NHSL1: variants seen among roughly 807,000 people sequenced by gnomAD.
The protein encoded by NHSL1 is NHS-like protein 1.
Under a neutral mutation model 95.0 loss-of-function variants are expected in NHSL1, and 48 were observed. That is an observed-to-expected ratio of 0.51 (90% CI 0.40 to 0.64). The LOEUF (loss-of-function observed/expected upper bound fraction) is 0.64. Ranked by LOEUF, NHSL1 falls within the 30% of genes least tolerant of loss-of-function variation. The pLI, the probability that NHSL1 is intolerant of heterozygous loss-of-function variation, is 0.00. For synonymous variants in NHSL1, 783 were observed against 833.9 expected, an observed-to-expected ratio of 0.94 and a Z score of 1.05; for missense variants, 1,971 against 2,077.7, an observed-to-expected ratio of 0.95 and a Z score of 1.00.
chr6:138,434,717 T>C lies in NHSL1; in HGVS notation c.665-1037A>G, dbSNP rs1342378962. ...TCTCAACACGGGCTTTGCTGAGCAA[T>C]GCGAGTCAAGCACACCCCTCTGTGT... On this transcript the variant is annotated intron_variant, in intron 5 of 7. Coordinates refer to ENST00000343505, the MANE Select transcript of NHSL1 (RefSeq NM_001144060.2). 2.0e-5 allele frequency among the ~76,000 whole-genome samples: 3 copies of C among 152,162 alleles called. No homozygotes were observed. In the South Asian group the frequency reaches 6.2e-4, roughly 32 times the overall value.
At chr6:138,676,260 A>G (rs1039231341) in intron 1 of NHSL1, among the ~76,000 whole-genome samples, 1 of 152,176 alleles carries the variant, frequency 6.6e-6, no homozygotes, top group African/African-American at 2.4e-5. Context: ...AAAATAACCC[A>G]ATTAACAAAT....
chr6:138,605,817 G>A (rs1327565266), intron 1 of NHSL1, among the ~76,000 whole-genome samples: 1 of 152,220 alleles, frequency 6.6e-6, no homozygotes, highest in African/African-American at 2.4e-5. Context: ...GTAGTTTTGA[G>A]AGGAAAATGG....
At position 138,524,813 on chromosome 6, in the gene NHSL1, T is replaced by C. The variant is rs138126273; in HGVS notation, c.16+20810A>G. 6.1e-3 allele frequency among the ~76,000 whole-genome samples: 935 copies of C among 152,306 alleles called. 23 individuals carry two copies. Among genetic ancestry groups the C allele is most frequent in the Admixed American group, 0.048 (735 of 15,294 alleles). ...AGAGTGATTTAAAGGTTTTCTTCCC[T>C]AGCAAATGGGCACACAAAAAAATAT... On this transcript the variant is annotated intron_variant, in intron 1 of 4. Transcript: ENST00000342260.
chr6:138,424,729 G>A lies in NHSL1; in HGVS notation c.4173C>T (p.Gly1391=), dbSNP rs1367989647. 1.9e-6 allele frequency: 3 copies of A among 1,551,482 alleles called. No homozygotes were observed. The highest frequency in any genetic ancestry group is 2.7e-5 in the African/African-American group (2 of 73,018). The change falls in exon 8 of 8, where the codon GGC becomes GGT. Residue 1391 remains glycine (G), a synonymous_variant. Coordinates refer to ENST00000343505, the MANE Select transcript of NHSL1 (RefSeq NM_001144060.2). This position sits in a 1 kb window ranked among gnomAD's most constrained non-coding sequence, Gnocchi z 5.9. ...HSPSPPVTPT[G]AAPSLASPKQ... The stretch of plus-strand genomic sequence containing the variant: ...TTGGAGAGGCCAGGCTTGGGGCAGC[G>A]CCGGTGGGTGTCACGGGCGGGGAGG...
At chr6:138,648,689 G>A (rs1343943877) in intron 1 of NHSL1, among the ~76,000 whole-genome samples, 1 of 152,206 alleles carries the variant, frequency 6.6e-6, no homozygotes, top group Non-Finnish European at 1.5e-5. Context: ...AGAAAGAAGG[G>A]CCTACCCAAT....
chr6:138,516,588 TTTGTTGTTGTTG>T (rs769534036), intron 1 of NHSL1, among the ~76,000 whole-genome samples: 2 of 151,732 alleles, frequency 1.3e-5, no homozygotes, highest in Admixed American at 1.3e-4. Flanking sequence ...TCAAAGTTGT[TTTGTTGTTGTTG>T]TTGTTGTTGT....
chr6:138,690,483 G>T (rs1420573478), intron 1 of NHSL1, among the ~76,000 whole-genome samples: 2 of 152,050 alleles, frequency 1.3e-5, no homozygotes, highest in African/African-American at 4.8e-5. Flanking sequence ...GCTCACACCT[G>T]TAATCCCAGC....
intron 1 of NHSL1, among the ~76,000 whole-genome samples, chr6:138,592,841 G>A (rs2114530677): frequency 6.6e-6 from 1 of 152,176 alleles, no homozygotes; most frequent in South Asian, 2.1e-4. Context: ...CAAAAATTTT[G>A]CCTGTAGACA....
At chr6:138,465,448 T>A (rs1174961487) in intron 3 of NHSL1, among the ~76,000 whole-genome samples, 1 of 152,158 alleles carries the variant, frequency 6.6e-6, no homozygotes, top group Non-Finnish European at 1.5e-5. Context: ...TCAGTGCCGT[T>A]TTGCCTGTTG....
At position 138,537,714 on chromosome 6, in the gene NHSL1, A is replaced by C. The variant is rs138472799; in HGVS notation, c.16+7909T>G. ...GGGATTTCTTGAATATTCTTTACAA[A>C]CCTGTGTTAATTATTTTTGTTATTT... On this transcript the variant is annotated intron_variant, in intron 1 of 4. Coordinates refer to the NHSL1 transcript ENST00000342260. 5.8e-3 allele frequency among the ~76,000 whole-genome samples: 881 copies of C among 152,228 alleles called. 22 individuals carry two copies. The highest frequency in any genetic ancestry group is 0.048 in the Admixed American group (739 of 15,278).
intron 7 of NHSL1, among the ~76,000 whole-genome samples, chr6:138,426,694 A>G (rs573733669): frequency 1.3e-4 from 20 of 152,222 alleles, no homozygotes; most frequent in Admixed American, 1.2e-3. Context: ...CGTCATCTCC[A>G]TTCTTCTGGT....
intron 1 of NHSL1, among the ~76,000 whole-genome samples, chr6:138,645,059 C>A (rs763638192): frequency 6.6e-6 from 1 of 152,200 alleles, no homozygotes; most frequent in Non-Finnish European, 1.5e-5. Flanking sequence ...TGTGTGTAAA[C>A]CTTTAAAACC....
chr6:138,438,319 A>AT (rs1434054820), intron 5 of NHSL1, among the ~76,000 whole-genome samples: 1 of 152,198 alleles, frequency 6.6e-6, no homozygotes, highest in Admixed American at 6.5e-5. Flanking sequence ...GATCCTTTGT[A>AT]TTTTTTAGCA....
At position 138,588,379 on chromosome 6, in the gene NHSL1, T is replaced by C. The variant is rs535958363; in HGVS notation, c.97-92008A>G. On this transcript the variant is annotated intron_variant, in intron 1 of 3. Transcript: ENST00000491526. ...GGGGAGGTTGAGGCAAGAGAATCGCTTGAACCCAGGAGGCAGAGGTTGCAG... is the reference window on the plus strand; with the variant it reads ...GGGGAGGTTGAGGCAAGAGAATCGCCTGAACCCAGGAGGCAGAGGTTGCAG... Among the ~76,000 whole-genome samples, 3 of 152,332 alleles carry C rather than the reference T, an allele frequency of 2.0e-5. 1 individual carries two copies. In the South Asian group the frequency reaches 6.2e-4, roughly 32 times the overall value.
At chr6:138,620,533 G>A (rs868087679) in intron 1 of NHSL1, among the ~76,000 whole-genome samples, 36 of 152,214 alleles carry the variant, frequency 2.4e-4, no homozygotes, top group African/African-American at 8.2e-4. Context: ...TAGAAAATAG[G>A]TCAATATGGT....
chr6:138,478,786 T>A (rs1383175099), intron 2 of NHSL1, among the ~76,000 whole-genome samples: 1 of 152,228 alleles, frequency 6.6e-6, no homozygotes, highest in Non-Finnish European at 1.5e-5. Context: ...ACTGCTTGGA[T>A]AAAGGTATCA....
At chr6:138,616,781 T>G (rs1388817778) in intron 1 of NHSL1, among the ~76,000 whole-genome samples, 1 of 152,172 alleles carries the variant, frequency 6.6e-6, no homozygotes, top group Non-Finnish European at 1.5e-5. Context: ...CTATCAAGAC[T>G]GTAAGTAAAC....
At chr6:138,627,754 G>A (rs1784761815) in intron 1 of NHSL1, among the ~76,000 whole-genome samples, 1 of 151,974 alleles carries the variant, frequency 6.6e-6, no homozygotes, top group Admixed American at 6.6e-5. Flanking sequence ...GGTGGCGGGC[G>A]CCTGTAATCC....
chr6:138,576,009 T>TTTA (rs1783965709), upstream of NHSL1, among the ~76,000 whole-genome samples: 1 of 129,248 alleles, frequency 7.7e-6, no homozygotes, highest in Admixed American at 7.6e-5. Flanking sequence ...TTATTTATTT[T>TTTA]GAGGCAGAGT....
Sources: gnomAD v4.1 joint callset for allele counts (sites outside exome capture counted in the v4.1 genomes callset) on GRCh38, gnomAD v4.1.1 for gene constraint, Gnocchi (gnomAD v3.1) non-coding constraint, MANE v1.5 for transcripts, NCBI Gene and HGNC (gene_info 2026-07-23, HGNC 2026-07-21) for gene names.